The following RIMS1 variants were observed in gnomAD, a reference collection of about 807,000 sequenced individuals.
The protein encoded by RIMS1 is regulating synaptic membrane exocytosis protein 1.
A neutral mutation model predicts 214.1 loss-of-function variants in RIMS1; 83 were observed. The observed-to-expected ratio is 0.39, with a 90% CI of 0.32 to 0.47. RIMS1 has a LOEUF of 0.47. Ranked by LOEUF, RIMS1 falls within the 20% of genes least tolerant of loss-of-function variation. RIMS1 has a pLI of 0.99. For synonymous variants in RIMS1, 793 were observed against 786.8 expected, an observed-to-expected ratio of 1.01 and a Z score of -0.13; for missense variants, 2,050 against 2,161.8, an observed-to-expected ratio of 0.95 and a Z score of 1.03.
chr6:72,272,819 C>G (rs1036249544), intron 22 of RIMS1, among the ~76,000 whole-genome samples: 2 of 152,076 alleles, frequency 1.3e-5, no homozygotes, highest in African/African-American at 4.8e-5. Context: ...GTAGAAAATG[C>G]TGTCGTCGTA....
intron 6 of RIMS1, among the ~76,000 whole-genome samples, chr6:72,199,740 T>A (rs2051604495): frequency 6.6e-6 from 1 of 152,132 alleles, no homozygotes; most frequent in Non-Finnish European, 1.5e-5. Flanking sequence ...TATTGGCTTC[T>A]GAAACCAAAA....
At chr6:72,049,461 G>T (rs529887085) in intron 2 of RIMS1, among the ~76,000 whole-genome samples, 147 of 152,290 alleles carry the variant, frequency 9.7e-4, no homozygotes, top group Middle Eastern at 3.4e-3. Context: ...ATAGCAGTAA[G>T]ATAGTGAACA....
At chr6:72,337,395 T>C (rs2096878273) in intron 29 of RIMS1, among the ~76,000 whole-genome samples, 1 of 151,818 alleles carries the variant, frequency 6.6e-6, no homozygotes, top group Admixed American at 6.6e-5. Flanking sequence ...TTTGAAATTA[T>C]ACTAATCAGT....
chr6:72,136,755 A>C (rs2041352226), intron 4 of RIMS1, among the ~76,000 whole-genome samples: 1 of 152,150 alleles, frequency 6.6e-6, no homozygotes, highest in South Asian at 2.1e-4. Flanking sequence ...AAACAAGTAA[A>C]GTATAAAATT....
At chr6:72,009,862 CCAGA>C (rs1809651250) in intron 2 of RIMS1, among the ~76,000 whole-genome samples, 1 of 152,078 alleles carries the variant, frequency 6.6e-6, no homozygotes, top group South Asian at 2.1e-4. Flanking sequence ...AAATCCAGGA[CCAGA>C]CAGATTCACA....
chr6:72,051,513 T>A (rs1251133568), intron 2 of RIMS1, among the ~76,000 whole-genome samples: 1 of 152,184 alleles, frequency 6.6e-6, no homozygotes, highest in African/African-American at 2.4e-5. Context: ...GAGTTCTAAC[T>A]ACTTCCTCTT....
chr6:72,089,385 C>A (rs1429164677), intron 2 of RIMS1, among the ~76,000 whole-genome samples: 1 of 152,038 alleles, frequency 6.6e-6, no homozygotes, highest in Non-Finnish European at 1.5e-5. Context: ...CTAACACTAG[C>A]CATTTGGACA....
chr6:72,081,095 C>G (rs962192304), intron 2 of RIMS1, among the ~76,000 whole-genome samples: 1 of 152,132 alleles, frequency 6.6e-6, no homozygotes, highest in South Asian at 2.1e-4. Context: ...CAATTGAACT[C>G]TAAATATTTA....
chr6:72,083,882 C>A lies in RIMS1; in HGVS notation c.246-13067C>A, dbSNP rs114559885. ...AAATAGAACTAGATTTGATCCTGAC[C>A]AGGCCAGACTCACACTTATGCCTGA... On this transcript the variant is annotated intron_variant, in intron 2 of 33. Coordinates refer to ENST00000521978, the MANE Select transcript of RIMS1 (RefSeq NM_014989.7). Among the ~76,000 whole-genome samples the A allele has an allele frequency of 5.8e-3, 885 of 152,222 alleles. 8 individuals are homozygous for A. The highest frequency in any genetic ancestry group is 0.021 in the African/African-American group (856 of 41,538).
intron 4 of RIMS1, among the ~76,000 whole-genome samples, chr6:72,149,682 G>A (rs1455594161): frequency 6.6e-6 from 1 of 152,186 alleles, no homozygotes; most frequent in African/African-American, 2.4e-5. Flanking sequence ...AGAATTATAT[G>A]CCCACATTCA....
intron 22 of RIMS1, among the ~76,000 whole-genome samples, chr6:72,270,661 C>G (rs2082595240): frequency 6.6e-6 from 1 of 152,186 alleles, no homozygotes; most frequent in Non-Finnish European, 1.5e-5. Context: ...GCCAGATTCA[C>G]TGAGCCACAC....
At chr6:72,393,112 A>T (rs145171940) in intron 31 of RIMS1, among the ~76,000 whole-genome samples, 4 of 151,508 alleles carry the variant, frequency 2.6e-5, no homozygotes, top group African/African-American at 9.7e-5. Flanking sequence ...ACTGTTCAGT[A>T]AAGTATAGTA....
At chr6:72,338,485 G>A (rs376567263) in intron 29 of RIMS1, among the ~76,000 whole-genome samples, 6 of 151,666 alleles carry the variant, frequency 4.0e-5, no homozygotes, top group East Asian at 1.9e-4. Context: ...TAATTAAACT[G>A]AAGAGCTTCT....
intron 28 of RIMS1, among the ~76,000 whole-genome samples, chr6:72,315,313 A>G (rs2095714248): frequency 6.6e-6 from 1 of 152,222 alleles, no homozygotes; most frequent in African/African-American, 2.4e-5. Flanking sequence ...TAAAAAGAGT[A>G]TAAATAAACT....
At position 72,273,898 on chromosome 6, in the gene RIMS1, C is replaced by T. The variant is rs565646909; in HGVS notation, c.3399-451C>T. 1.6e-4 allele frequency among the ~76,000 whole-genome samples: 24 copies of T among 152,216 alleles called. No homozygotes were observed. In the East Asian group the frequency reaches 4.5e-3, roughly 28 times the overall value. ...TACTTTGTATTAAATTCACACATCC[C>T]CACCTTTGCAACTCTACCCAGTAAT... is the stretch of plus-strand genomic sequence containing the variant. On this transcript the variant is annotated intron_variant, in intron 22 of 33. Coordinates refer to ENST00000521978, the MANE Select transcript of RIMS1 (RefSeq NM_014989.7).
chr6:72,252,900 G>A, intron 16 of RIMS1, 68 bp downstream of exon 16: 1 of 1,161,984 alleles, frequency 8.6e-7, no homozygotes, highest in Non-Finnish European at 1.3e-6. Flanking sequence ...TCAGCTTCCG[G>A]ACCTCTTTAG....
At position 71,942,740 on chromosome 6, in the gene RIMS1, T is replaced by TA. The variant is rs989044244; in HGVS notation, c.165-26236dup. Reference sequence around the variant, plus strand: ...AAAAAAATTAGCTTTGAATCAAGAATAAAAAAAGAATATCACATATAAAAA... The same window carrying TA: ...AAAAAAATTAGCTTTGAATCAAGAATAAAAAAAAGAATATCACATATAAAAA... On this transcript the variant is annotated intron_variant, in intron 1 of 33. Transcript: ENST00000521978. Among the ~76,000 whole-genome samples, 62 of 152,006 alleles carry TA rather than the reference T, an allele frequency of 4.1e-4. 1 individual carries two copies. Among genetic ancestry groups the TA allele is most frequent in the Middle Eastern group, 7.0e-3 (2 of 286 alleles).
At chr6:72,306,428 T>C (rs998717513) in intron 26 of RIMS1, among the ~76,000 whole-genome samples, 3 of 152,184 alleles carry the variant, frequency 2.0e-5, no homozygotes, top group Non-Finnish European at 2.9e-5. Context: ...TGTTTCTTTC[T>C]CCTTCATTTG....
intron 22 of RIMS1, among the ~76,000 whole-genome samples, chr6:72,273,592 A>G (rs1336305770): frequency 2.6e-5 from 4 of 152,146 alleles, no homozygotes; most frequent in Non-Finnish European, 4.4e-5. Context: ...AGTATTGTAA[A>G]TGCTGAGCTA....
Sources: gnomAD v4.1 joint callset for allele counts (sites outside exome capture counted in the v4.1 genomes callset) on GRCh38, gnomAD v4.1.1 for gene constraint, MANE v1.5 for transcripts, NCBI Gene and HGNC (gene_info 2026-07-23, HGNC 2026-07-21) for gene names.